ALDH1L1: variants seen among roughly 807,000 people sequenced by gnomAD.
ALDH1L1 encodes the protein aldehyde dehydrogenase 1 family member L1, also known as cytosolic 10-formyltetrahydrofolate dehydrogenase.
A neutral mutation model predicts 101.1 loss-of-function variants in ALDH1L1; 68 were observed. The observed-to-expected ratio is 0.67, with a 90% CI of 0.55 to 0.82. The LOEUF is 0.82. Among genes scored for constraint, ALDH1L1 ranks in the 40% least tolerant of loss-of-function variants. ALDH1L1 has a pLI of 0.00. For synonymous variants in ALDH1L1, 486 were observed against 470.8 expected, an observed-to-expected ratio of 1.03 and a Z score of -0.42; for missense variants, 1,087 against 1,172.7, an observed-to-expected ratio of 0.93 and a Z score of 1.07.
At chr3:126,159,210 G>A (rs1389027778) in intron 2 of ALDH1L1, among the ~76,000 whole-genome samples, 1 of 151,216 alleles carries the variant, frequency 6.6e-6, no homozygotes, top group Non-Finnish European at 1.5e-5. Flanking sequence ...GCCTCAATAT[G>A]CACACATGCG....
At chr3:126,144,645 C>A (rs2080636175) in intron 9 of ALDH1L1, among the ~76,000 whole-genome samples, 1 of 152,172 alleles carries the variant, frequency 6.6e-6, no homozygotes, top group Non-Finnish European at 1.5e-5. Context: ...GATTGGATGT[C>A]CACATGCAAA....
intron 1 of ALDH1L1, among the ~76,000 whole-genome samples, chr3:126,161,899 G>A (rs1000220539): frequency 6.6e-6 from 1 of 151,782 alleles, no homozygotes; most frequent in Non-Finnish European, 1.5e-5. Flanking sequence ...CACCAAGAAT[G>A]ATGGGACTTC....
At chr3:126,125,402 C>T (rs2080161047) in intron 15 of ALDH1L1, among the ~76,000 whole-genome samples, 1 of 152,238 alleles carries the variant, frequency 6.6e-6, no homozygotes, top group South Asian at 2.1e-4. Flanking sequence ...CTCAAGCAGC[C>T]ATGGCTGAAA....
At chr3:126,183,815 G>T (rs2108350544), upstream of ALDH1L1, among the ~76,000 whole-genome samples, 1 of 152,310 alleles carries the variant, frequency 6.6e-6, no homozygotes, top group Non-Finnish European at 1.5e-5. Context: ...TAATACCCCA[G>T]GTGCTTCACC....
At position 126,155,513 on chromosome 3, in the gene ALDH1L1, TCC is replaced by T. The variant is rs1559959112; in HGVS notation, c.529-12_529-11del. On this transcript the variant is annotated splice_polypyrimidine_tract_variant and intron_variant, in intron 4 of 22. Coordinates refer to ENST00000393434, the MANE Select transcript of ALDH1L1 (RefSeq NM_012190.4). Reference sequence around the variant, plus strand: ...GCCTCACGGCCTGCACCTGGGGAGATCCAGTGGGTTGCTATCCCCAGCAATAG... The same window carrying T: ...GCCTCACGGCCTGCACCTGGGGAGATAGTGGGTTGCTATCCCCAGCAATAG... The T allele has an allele frequency of 6.2e-7, 1 of 1,605,148 alleles. No individual in the cohort carries two copies. Among genetic ancestry groups the T allele is most frequent in the Admixed American group, 1.7e-5 (1 of 58,830 alleles).
chr3:126,152,028 G>A (rs983310852), intron 7 of ALDH1L1: 1 of 152,480 alleles, frequency 6.6e-6, no homozygotes, highest in African/African-American at 2.4e-5. Context: ...GACCCCTGTG[G>A]CTGGTGCCCT....
chr3:126,147,556 G>A (rs2080720967), intron 8 of ALDH1L1, among the ~76,000 whole-genome samples: 1 of 152,232 alleles, frequency 6.6e-6, no homozygotes, highest in Non-Finnish European at 1.5e-5. Flanking sequence ...AAGGCACCCA[G>A]TAAGGCTGTC....
rs183412146 is a variant in ALDH1L1 at position 126,119,987 on chromosome 3, G to A, written c.1889-1889C>T. On this transcript the variant is annotated intron_variant, in intron 16 of 22. Coordinates refer to ENST00000393434, the MANE Select transcript of ALDH1L1 (RefSeq NM_012190.4). ...ACAACACTGATGATGCCAGATGCTG[G>A]GATGGATGTGGAGCAACAGGAACTC... is the stretch of plus-strand genomic sequence containing the variant. Among the ~76,000 whole-genome samples the A allele has an allele frequency of 2.6e-3, 391 of 152,348 alleles. 1 individual carries two copies. The highest frequency in any genetic ancestry group is 9.1e-3 in the African/African-American group (377 of 41,576).
At chr3:126,128,804 T>C (rs6775421) in intron 14 of ALDH1L1, 101,335 of 152,108 alleles carry the variant, frequency 0.67, 34,159 homozygotes, top group African/African-American at 0.76. Flanking sequence ...ACACAGTGTC[T>C]GTTTCCTCCT....
chr3:126,152,370 G>T (rs2080822264), intron 7 of ALDH1L1: 1 of 152,196 alleles, frequency 6.6e-6, no homozygotes, highest in Non-Finnish European at 1.5e-5. Context: ...ACTTGCACAA[G>T]AATTTTTACC....
chr3:126,196,184 T>G (rs2081580976), intron 1 of ALDH1L1, among the ~76,000 whole-genome samples: 1 of 152,122 alleles, frequency 6.6e-6, no homozygotes, highest in African/African-American at 2.4e-5. Flanking sequence ...GGTAGAGTCC[T>G]TGGAAGGACA....
Position 126,158,476 on chromosome 3 carries a change from G to A in ALDH1L1, c.291C>T (p.Ala97=), listed in dbSNP as rs747640087. Residue 97 remains alanine, a synonymous_variant, in exon 3 of 23, where the codon GCC becomes GCT. Coordinates refer to ENST00000393434, the MANE Select transcript of ALDH1L1 (RefSeq NM_012190.4). Reference sequence around the variant, plus strand: ...GATAGATGATGGAGCCATGCCGGGGGGCACTGATTATCTCCATGGGGATGA... The same window carrying A: ...GATAGATGATGGAGCCATGCCGGGGAGCACTGATTATCTCCATGGGGATGA... The part of the protein sequence containing the change: ...SQFIPMEIIS[A]PRHGSIIYHP... 19 of 1,613,880 alleles carry A rather than the reference G, an allele frequency of 1.2e-5. No homozygotes were observed. Among genetic ancestry groups the A allele is most frequent in the South Asian group, 2.2e-5 (2 of 91,036 alleles).
At chr3:126,124,524 C>T in intron 15 of ALDH1L1, 73 bp from the exon 16 acceptor site, 10 of 1,246,272 alleles carry the variant, frequency 8.0e-6, no homozygotes, top group Non-Finnish European at 1.2e-5. Context: ...CCCTCCCCGC[C>T]TTCCTCTCCC....
At position 126,155,108 on chromosome 3, in the gene ALDH1L1, C is replaced by T. The variant is rs569267469; in HGVS notation, c.630+294G>A. ...TGAAGACTGCTCGCACTACGGCTGA[C>T]GTTTTGCCCCCTAACTCCCACTCTT... On this transcript the variant is annotated intron_variant, in intron 5 of 22. Transcript: ENST00000393434. Among the ~76,000 whole-genome samples the T allele has an allele frequency of 2.6e-5, 4 of 152,280 alleles. No individual in the cohort carries two copies. The South Asian group carries it at 6.2e-4, about 24-fold the overall frequency.
At chr3:126,106,964 CTCTCT>C (rs1460964443) in intron 21 of ALDH1L1, among the ~76,000 whole-genome samples, 172 bp downstream of exon 21, 2 of 152,206 alleles carry the variant, frequency 1.3e-5, no homozygotes, top group Non-Finnish European at 2.9e-5. Context: ...GGTCACTGGG[CTCTCT>C]TCTCAGGGGT....
chr3:126,127,208 T>C (rs562256960), intron 14 of ALDH1L1, among the ~76,000 whole-genome samples: 6 of 152,086 alleles, frequency 3.9e-5, no homozygotes, highest in African/African-American at 1.2e-4. Flanking sequence ...GGGACTGGAG[T>C]GTGCAGAGCT....
chr3:126,107,201 A>T lies in ALDH1L1; in HGVS notation c.2393T>A (p.Met798Lys). Residue 798 changes from methionine to lysine, a missense_variant, in exon 21 of 23, where the codon ATG becomes AAG. This residue lies in a region of ALDH1L1 where 442 missense variants were observed against 535.7 expected (regional missense o/e 0.83). Coordinates refer to ENST00000393434, the MANE Select transcript of ALDH1L1 (RefSeq NM_012190.4). ...PTVFTDVEDH[M>K]FIAKEESFGP... The stretch of plus-strand genomic sequence containing the variant: ...GAAGGACTCCTCCTTGGCTATGAAC[A>T]TGTGGTCTTCCACGTCTGTGAAAAC... 3.1e-6 allele frequency: 5 copies of T among 1,614,196 alleles called. No individual in the cohort carries two copies. Among genetic ancestry groups the T allele is most frequent in the Non-Finnish European group, 3.4e-6 (4 of 1,180,018 alleles).
At chr3:126,143,542 G>A (rs768722687) in intron 9 of ALDH1L1, among the ~76,000 whole-genome samples, 4 of 152,156 alleles carry the variant, frequency 2.6e-5, no homozygotes, top group Non-Finnish European at 5.9e-5. Context: ...ACAAATAAGG[G>A]GAGACTACTG....
At chr3:126,128,968 G>A (rs1441236788) in intron 14 of ALDH1L1, 8 of 134,040 alleles carry the variant, frequency 6.0e-5, no homozygotes, top group African/African-American at 1.9e-4. Context: ...TTCAAAGCAC[G>A]ACAAAGGTCT....
Sources: gnomAD v4.1 joint callset for allele counts (sites outside exome capture counted in the v4.1 genomes callset) on GRCh38, gnomAD v4.1.1 for gene constraint, gnomAD v4.1.1 regional missense constraint, MANE v1.5 for transcripts, NCBI Gene and HGNC (gene_info 2026-07-23, HGNC 2026-07-21) for gene names.